The following CRMP1 variants were observed in gnomAD, a reference collection of about 807,000 sequenced individuals.
CRMP1 encodes dihydropyrimidinase-related protein 1.
In CRMP1, 19 loss-of-function variants were observed where a neutral mutation model predicts 68.3. That is an observed-to-expected ratio of 0.28 (90% confidence interval 0.19 to 0.41). The LOEUF is 0.41. CRMP1 is among the 10% of genes least tolerant of loss of function. CRMP1 has a pLI of 1.00. For missense variants in CRMP1, 791 were observed against 967.4 expected (o/e 0.82, Z 2.42); for synonymous variants, 439 against 399.6 (o/e 1.10, Z -1.18).
rs572808109 is a variant in CRMP1, at chr4:5,832,206, G to T, written c.1624-3538C>A. ...GGGACTGATTGTTCATGGGTACAGGGTTTCTTTTCTGGAGGTGATGAAAAC... is the reference window on the plus strand; with the variant it reads ...GGGACTGATTGTTCATGGGTACAGGTTTTCTTTTCTGGAGGTGATGAAAAC... On this transcript the variant is annotated intron_variant, in intron 11 of 13. Transcript: ENST00000324989. Among the ~76,000 whole-genome samples the T allele has an allele frequency of 2.6e-5, 4 of 152,296 alleles. No homozygotes were observed. In the South Asian group the frequency reaches 6.2e-4, roughly 24 times the overall value.
At chr4:5,885,098 C>T (rs922690361) in intron 1 of CRMP1, among the ~76,000 whole-genome samples, 3 of 151,988 alleles carry the variant, frequency 2.0e-5, no homozygotes, top group Non-Finnish European at 4.4e-5. Flanking sequence ...TAACCGGCTA[C>T]TATATTGTCT....
In CRMP1 at chr4:5,892,931, G is replaced by A; in HGVS notation, c.39C>T (p.Asp13=). The A allele has an allele frequency of 2.3e-6, 3 of 1,290,874 alleles. No individual in the cohort carries two copies. The highest frequency in any genetic ancestry group is 3.0e-6 in the Non-Finnish European group (3 of 1,015,410). The allele number at this position is 1,290,874 out of a possible 1,614,324, so 80.0% of individuals were successfully genotyped here. Residue 13 remains aspartate (D), a synonymous_variant, in exon 1 of 14, where the codon GAC becomes GAT. Coordinates refer to ENST00000324989, the MANE Select transcript of CRMP1 (RefSeq NM_001014809.3). The surrounding 1 kb of genome is among the most constrained non-coding windows in gnomAD (Gnocchi z 8.6). ...DRRRAWNTED[D]LPVYLARPGS... Reference sequence around the variant, plus strand: ...CCGGCCGCGCCAGGTACACGGGCAGGTCGTCCTCGGTGTTCCACGCGCGCC... The same window carrying A: ...CCGGCCGCGCCAGGTACACGGGCAGATCGTCCTCGGTGTTCCACGCGCGCC...
At chr4:5,824,820 A>G (rs1420399682) in intron 13 of CRMP1, 1 of 985,392 alleles carries the variant, frequency 1.0e-6, no homozygotes, top group African/African-American at 1.7e-5. Context: ...TTCCAGTTCA[A>G]CTTTCTCAAC....
At position 5,835,898 on chromosome 4, in the gene CRMP1, A is replaced by G; in HGVS notation, c.1623+17T>C. The G allele has an allele frequency of 6.8e-7, 1 of 1,465,430 alleles. No individual in the cohort carries two copies. Among genetic ancestry groups the G allele is most frequent in the Non-Finnish European group, 9.1e-7 (1 of 1,104,314 alleles). 90.8% of individuals were successfully genotyped at this position (1,465,430 alleles called of 1,614,324 possible). A position where few individuals can be genotyped will look rare whatever the true frequency, so the allele number is the denominator to read the frequency against. ...AAGAATCACTTATCTCAGCAGCACA[A>G]ATAGGCCAGGACTTACCGACTTGTG... On this transcript the variant is annotated intron_variant, in intron 11 of 13. Coordinates refer to ENST00000324989, the MANE Select transcript of CRMP1 (RefSeq NM_001014809.3).
chr4:5,834,928 A>G lies in CRMP1; in HGVS notation c.1623+987T>C, dbSNP rs1258864459. ...ACCGAGACCTCTGCTTCTGCAGGCCATGTCTGTGGCAGCCAATGGATACTC... is the reference window on the plus strand; with the variant it reads ...ACCGAGACCTCTGCTTCTGCAGGCCGTGTCTGTGGCAGCCAATGGATACTC... On this transcript the variant is annotated intron_variant, in intron 11 of 13. Coordinates refer to ENST00000324989, the MANE Select transcript of CRMP1 (RefSeq NM_001014809.3). This position sits in a 1 kb window ranked among gnomAD's most constrained non-coding sequence, Gnocchi z 4.3. Among the ~76,000 whole-genome samples the G allele has an allele frequency of 6.6e-6, 1 of 152,150 alleles. No individual in the cohort carries two copies. The highest frequency in any genetic ancestry group is 1.5e-5 in the Non-Finnish European group (1 of 68,022).
intron 13 of CRMP1, chr4:5,824,505 C>T (rs1719220009): frequency 1.0e-6 from 1 of 984,602 alleles, no homozygotes; most frequent in South Asian, 4.7e-5. Context: ...TCTCTCTTTG[C>T]CCCTTCCACT....
Position 5,892,189 on chromosome 4 carries a change from A to T in CRMP1, c.381+400T>A, listed in dbSNP as rs925284347. On this transcript the variant is annotated intron_variant, in intron 1 of 13. Transcript: ENST00000324989. This position sits in a 1 kb window ranked among gnomAD's most constrained non-coding sequence, Gnocchi z 8.6. ...ACCGACTGAGTGGATGGATGAATGG[A>T]CCAACACGGAACGGAGCTCCAGTTC... is the stretch of plus-strand genomic sequence containing the variant. Among the ~76,000 whole-genome samples, 1 of 151,980 alleles carries T rather than the reference A, an allele frequency of 6.6e-6. No individual in the cohort carries two copies. Among genetic ancestry groups the T allele is most frequent in the Non-Finnish European group, 1.5e-5 (1 of 68,008 alleles).
chr4:5,825,632 C>T lies in CRMP1; in HGVS notation c.1831G>A (p.Gly611Ser), dbSNP rs746396887. 5.0e-6 allele frequency: 8 copies of T among 1,610,746 alleles called. No homozygotes were observed. Among genetic ancestry groups the T allele is most frequent in the South Asian group, 1.1e-5 (1 of 90,408 alleles). Residue 611 changes from glycine (G) to serine (S), a missense_variant, in exon 13 of 14, where the codon GGC becomes AGC. Gly to Ser is a moderately conservative substitution (Grantham distance 56). Around this residue, in one of 3 missense-constraint regions of CRMP1, gnomAD observed 594 missense variants for 763.6 expected, o/e 0.78. Transcript: ENST00000324989. This position sits in a 1 kb window ranked among gnomAD's most constrained non-coding sequence, Gnocchi z 4.4. ...KVFGLQGVSR[G>S]MYDGPVYEVP... The stretch of plus-strand genomic sequence containing the variant: ...TCGTACACAGGACCGTCATACATGC[C>T]CCTGGAAACCCCTTGCAATCCAAAA...
rs1715978504 is a variant in CRMP1 at position 5,892,109 on chromosome 4, C to T, written c.381+480G>A. ...CAGCTTTAAGCTGTGTGGCCGCAGG[C>T]GACTCGCGGAACCTCTCCCGGGGCC... is the stretch of plus-strand genomic sequence containing the variant. On this transcript the variant is annotated intron_variant, in intron 1 of 13. Coordinates refer to ENST00000324989, the MANE Select transcript of CRMP1 (RefSeq NM_001014809.3). The surrounding 1 kb of genome is among the most constrained non-coding windows in gnomAD (Gnocchi z 8.6). Among the ~76,000 whole-genome samples, 1 of 152,230 alleles carries T rather than the reference C, an allele frequency of 6.6e-6. No homozygotes were observed. Among genetic ancestry groups the T allele is most frequent in the African/African-American group, 2.4e-5 (1 of 41,464 alleles).
At position 5,865,117 on chromosome 4, in the gene CRMP1, G is replaced by A. The variant is rs1259640433; in HGVS notation, c.470+1551C>T. On this transcript the variant is annotated intron_variant, in intron 2 of 13. Transcript: ENST00000324989. The surrounding 1 kb of genome is among the most constrained non-coding windows in gnomAD (Gnocchi z 4.1). ...ATCTCCAAAGCCCACACGGGCCCCA[G>A]GATGATCCTGTTAACAGTATCAATC... Among the ~76,000 whole-genome samples the A allele has an allele frequency of 6.6e-6, 1 of 151,958 alleles. No homozygotes were observed.
chr4:5,833,324 G>A lies in CRMP1; in HGVS notation c.1623+2591C>T, dbSNP rs953899851. On this transcript the variant is annotated intron_variant, in intron 11 of 13. Transcript: ENST00000324989. ...TGGGACTACAGGCGCCCGCCACTACGCCCGGCTAATTTTTTGTATTTTTAG... is the reference window on the plus strand; with the variant it reads ...TGGGACTACAGGCGCCCGCCACTACACCCGGCTAATTTTTTGTATTTTTAG... Among the ~76,000 whole-genome samples, 4 of 132,164 alleles carry A rather than the reference G, an allele frequency of 3.0e-5. 2 individuals carry two copies. The highest frequency in any genetic ancestry group is 1.5e-4 in the Admixed American group (2 of 13,734). 86.7% of individuals were successfully genotyped at this position (132,164 alleles called of 152,430 possible).
Position 5,858,073 on chromosome 4 carries a change from T to C in CRMP1, c.656-1766A>G, listed in dbSNP as rs1392022676. On this transcript the variant is annotated intron_variant, in intron 3 of 13. Transcript: ENST00000324989. This position sits in a 1 kb window ranked among gnomAD's most constrained non-coding sequence, Gnocchi z 5.5. ...TCTAGGTCTAATGGGGAGCATGCAGTCCTCAGTCTCTTGGCCTCTCAGGGC... is the reference window on the plus strand; with the variant it reads ...TCTAGGTCTAATGGGGAGCATGCAGCCCTCAGTCTCTTGGCCTCTCAGGGC... 6.6e-6 allele frequency among the ~76,000 whole-genome samples: 1 copy of C among 152,100 alleles called. No homozygotes were observed. The highest frequency in any genetic ancestry group is 1.5e-5 in the Non-Finnish European group (1 of 68,018).
chr4:5,827,699 CAT>C (rs561607478), intron 12 of CRMP1, among the ~76,000 whole-genome samples: 62 of 151,230 alleles, frequency 4.1e-4, no homozygotes, highest in African/African-American at 1.4e-3. Flanking sequence ...CACATGCACA[CAT>C]GACACGCATA....
intron 13 of CRMP1, chr4:5,824,668 T>G (rs544097734): frequency 1.0e-6 from 1 of 962,826 alleles, no homozygotes; most frequent in South Asian, 4.8e-5. Context: ...ATCCTAGATG[T>G]TGACATCCTA....
In CRMP1 at chr4:5,892,614, A is replaced by G. The variant is rs1716001927; in HGVS notation, c.356T>C (p.Leu119Pro). ...CTGGCCATTGTCCCGGCCGAGGGGC[A>G]GGTCGCGGGGCGCGGGGCGGCGGAT... ...LRIRRPAPRD[L>P]PLGRDNGQSD... The change falls in exon 1 of 14, where the codon CTG (leucine) becomes CCG (proline). Residue 119 changes from leucine to proline, a missense_variant. Coordinates refer to ENST00000324989, the MANE Select transcript of CRMP1 (RefSeq NM_001014809.3). This position sits in a 1 kb window ranked among gnomAD's most constrained non-coding sequence, Gnocchi z 8.6. 8.4e-7 allele frequency: 1 copy of G among 1,187,902 alleles called. No individual in the cohort carries two copies. The highest frequency in any genetic ancestry group is 1.0e-6 in the Non-Finnish European group (1 of 959,746). 73.6% of individuals were successfully genotyped at this position (1,187,902 alleles called of 1,614,324 possible).
rs1212463138 is a variant in CRMP1, at chr4:5,843,941, A to G, written c.964-780T>C. Among the ~76,000 whole-genome samples the G allele has an allele frequency of 6.6e-6, 1 of 151,270 alleles. No homozygotes were observed. The highest frequency in any genetic ancestry group is 6.6e-5 in the Admixed American group (1 of 15,186). On this transcript the variant is annotated intron_variant, in intron 6 of 13. Coordinates refer to ENST00000324989, the MANE Select transcript of CRMP1 (RefSeq NM_001014809.3). The surrounding 1 kb of genome is among the most constrained non-coding windows in gnomAD (Gnocchi z 4.1). ...ATCTGGTCCAAAGTTTCTTTGTCCC[A>G]GGAACACTTTAATTTCTAAAATAAA...
rs190711424 is a variant in CRMP1 at position 5,831,962 on chromosome 4, T to C, written c.1624-3294A>G. On this transcript the variant is annotated intron_variant, in intron 11 of 13. Coordinates refer to ENST00000324989, the MANE Select transcript of CRMP1 (RefSeq NM_001014809.3). The stretch of plus-strand genomic sequence containing the variant: ...AGCTCATGTGTGCATAAACTAAACG[T>C]GGTCCATCCCTACAAGGGGGTATTA... 1.2e-3 allele frequency among the ~76,000 whole-genome samples: 190 copies of C among 152,270 alleles called. 1 individual carries two copies. The highest frequency in any genetic ancestry group is 4.3e-3 in the African/African-American group (180 of 41,548).
In CRMP1 at chr4:5,825,945, C is replaced by T. The variant is rs1362044548; in HGVS notation, c.1804-286G>A. ...GCACTCACATACATGCAGTCATGCACACATATATGCATGCACATGCAGTAA... is the reference window on the plus strand; with the variant it reads ...GCACTCACATACATGCAGTCATGCATACATATATGCATGCACATGCAGTAA... On this transcript the variant is annotated intron_variant, in intron 12 of 13. Transcript: ENST00000324989. The surrounding 1 kb of genome is among the most constrained non-coding windows in gnomAD (Gnocchi z 4.4). 5.0e-5 allele frequency: 23 copies of T among 464,014 alleles called. No homozygotes were observed. The East Asian group carries it at 9.5e-4, about 19-fold the overall frequency. The allele number at this position is 464,014 out of a possible 1,614,324, so 28.7% of individuals were successfully genotyped here.
Position 5,888,129 on chromosome 4 carries a change from G to C in CRMP1, c.381+4460C>G. ...CCGCGGCGACGCAGGAGGCCTCGGG[G>C]GGCGCCCCTGCCGGCGCCCCGTGGA... is the stretch of plus-strand genomic sequence containing the variant. On this transcript the variant is annotated intron_variant, in intron 1 of 13. Coordinates refer to ENST00000324989, the MANE Select transcript of CRMP1 (RefSeq NM_001014809.3). The surrounding 1 kb of genome is among the most constrained non-coding windows in gnomAD (Gnocchi z 6.4). 8.2e-7 allele frequency: 1 copy of C among 1,216,906 alleles called. No individual in the cohort carries two copies. Among genetic ancestry groups the C allele is most frequent in the Non-Finnish European group, 1.0e-6 (1 of 976,228 alleles). The allele number at this position is 1,216,906 out of a possible 1,614,324, so 75.4% of individuals were successfully genotyped here. A position where few individuals can be genotyped will look rare whatever the true frequency, so the allele number is the denominator to read the frequency against.
Sources: allele counts gnomAD v4.1 joint callset (sites outside exome capture counted in the v4.1 genomes callset), GRCh38; gene constraint gnomAD v4.1.1; regional missense constraint gnomAD v4.1.1; non-coding constraint Gnocchi (gnomAD v3.1); transcripts MANE v1.5; gene names NCBI Gene and HGNC (gene_info 2026-07-23, HGNC 2026-07-21).